The following SRGAP3 variants were observed in gnomAD, a reference collection of about 807,000 sequenced individuals.
SRGAP3 encodes SLIT-ROBO Rho GTPase-activating protein 3.
In SRGAP3, 39 loss-of-function variants were observed where a neutral mutation model predicts 121.1. That is an observed-to-expected ratio of 0.32 (90% CI 0.25 to 0.42). The LOEUF (loss-of-function observed/expected upper bound fraction) is 0.42. Among genes scored for constraint, SRGAP3 ranks in the 10% least tolerant of loss-of-function variants. The pLI, the probability that SRGAP3 is intolerant of heterozygous loss-of-function variation, is 1.00. For synonymous variants in SRGAP3, 601 were observed against 570.0 expected (o/e 1.05, Z -0.77); for missense variants, 1,213 against 1,470.6 (o/e 0.82, Z 2.86).
At chr3:9,050,597 T>C (rs1398003601) in intron 9 of SRGAP3, among the ~76,000 whole-genome samples, 1 of 152,250 alleles carries the variant, frequency 6.6e-6, no homozygotes, top group East Asian at 1.9e-4. Flanking sequence ...GTTAGCAAAC[T>C]AAGTATTAAG....
At chr3:9,028,522 C>A (rs1316084029) in intron 12 of SRGAP3, among the ~76,000 whole-genome samples, 1 of 152,184 alleles carries the variant, frequency 6.6e-6, no homozygotes, top group East Asian at 1.9e-4. Flanking sequence ...AAGCTACCTA[C>A]GACCCCATAA....
rs754389843 is a variant in SRGAP3 at position 8,990,710 on chromosome 3, G to A, written c.2688C>T (p.Pro896=). ...TCCCCCGGGTGAGGGGGATTTTGTG[G>A]GGGCTGCTGGGGCAGGCAGCAGCCC... ...PPRAAACPSS[P]HKIPLTRGRI... Residue 896 remains proline, a synonymous_variant, in exon 21 of 22, where the codon CCC becomes CCT. Coordinates refer to ENST00000383836, the MANE Select transcript of SRGAP3 (RefSeq NM_014850.4). The A allele has an allele frequency of 6.8e-6, 11 of 1,612,632 alleles. No individual in the cohort carries two copies. Among genetic ancestry groups the A allele is most frequent in the Non-Finnish European group, 9.3e-6 (11 of 1,179,690 alleles).
chr3:9,204,651 CTT>C (rs34957395), intron 1 of SRGAP3, among the ~76,000 whole-genome samples: 75 of 150,016 alleles, frequency 5.0e-4, no homozygotes, highest in East Asian at 7.8e-4. Context: ...TCCCTAAGGT[CTT>C]TTTTTTTTTT....
At chr3:9,153,395 G>C (rs1950279493) in intron 1 of SRGAP3, among the ~76,000 whole-genome samples, 1 of 152,098 alleles carries the variant, frequency 6.6e-6, no homozygotes, top group Non-Finnish European at 1.5e-5. Flanking sequence ...CAGATTTATA[G>C]AGAAAAAAAC....
intron 19 of SRGAP3, among the ~76,000 whole-genome samples, chr3:8,993,420 C>G (rs567281868): frequency 2.0e-5 from 3 of 152,328 alleles, no homozygotes; most frequent in South Asian, 4.1e-4. Flanking sequence ...TGCTGAGTCT[C>G]TGTGTGACTT....
intron 1 of SRGAP3, among the ~76,000 whole-genome samples, chr3:9,164,656 T>A (rs536153564): frequency 6.6e-6 from 1 of 152,294 alleles, no homozygotes; most frequent in African/African-American, 2.4e-5. Flanking sequence ...GAAAAACAGC[T>A]CAGAGGCATC....
At chr3:9,064,662 A>G in intron 4 of SRGAP3, 81 bp from the exon 5 acceptor site, 3 of 1,545,704 alleles carry the variant, frequency 1.9e-6, no homozygotes, top group Non-Finnish European at 2.7e-6. Flanking sequence ...CTCCATACCA[A>G]GTTCTACACT....
intron 17 of SRGAP3, 28 bp downstream of exon 17, chr3:9,013,280 A>G (rs759906415): frequency 6.3e-7 from 1 of 1,597,212 alleles, no homozygotes; most frequent in South Asian, 1.1e-5. Flanking sequence ...TGACGATGAT[A>G]ATAATATTAA....
chr3:9,180,624 G>A (rs1056594995), intron 1 of SRGAP3, among the ~76,000 whole-genome samples: 7 of 152,186 alleles, frequency 4.6e-5, no homozygotes, highest in African/African-American at 7.2e-5. Flanking sequence ...GCAATCACAC[G>A]AGAAACCCAA....
chr3:9,178,545 C>T (rs972225675), intron 1 of SRGAP3, among the ~76,000 whole-genome samples: 1 of 152,224 alleles, frequency 6.6e-6, no homozygotes, highest in African/African-American at 2.4e-5. Flanking sequence ...CAACAGTTTT[C>T]ACTGATAGAT....
chr3:9,258,473 T>C lies in SRGAP3; in HGVS notation n.442+67537A>G, dbSNP rs374858761. On this transcript the variant is annotated intron_variant and non_coding_transcript_variant, in intron 3 of 3. Coordinates refer to the SRGAP3 transcript ENST00000490889. Reference sequence around the variant, plus strand: ...TTCATCTGGGTTCCCCCAGGAGCCCTGAAGGGAACTGACATCAGATTGGCC... The same window carrying C: ...TTCATCTGGGTTCCCCCAGGAGCCCCGAAGGGAACTGACATCAGATTGGCC... Among the ~76,000 whole-genome samples the C allele has an allele frequency of 5.3e-4, 80 of 152,254 alleles. 2 individuals carry two copies. In the South Asian group the frequency reaches 0.016, roughly 30 times the overall value.
intron 8 of SRGAP3, among the ~76,000 whole-genome samples, chr3:9,055,356 T>A (rs888063951): frequency 2.0e-5 from 3 of 152,258 alleles, no homozygotes; most frequent in Non-Finnish European, 4.4e-5. Context: ...AACCTGCCCA[T>A]GACCTCGAGT....
chr3:9,289,037 C>T (rs1574975015), intron 3 of SRGAP3, among the ~76,000 whole-genome samples: 1 of 152,182 alleles, frequency 6.6e-6, no homozygotes, highest in Admixed American at 6.5e-5. Context: ...GCCGGGACTA[C>T]AGGCATGCGC....
rs1418504222 is a variant in SRGAP3, at chr3:9,352,273, T to A, written n.214+10567A>T. On this transcript the variant is annotated intron_variant and non_coding_transcript_variant, in intron 1 of 3. Coordinates refer to the SRGAP3 transcript ENST00000490889. ...TTTCCTCCACAGATGTTATGGACAT[T>A]TTTTTTTTTTTTTTTTTTGAGATGG... Among the ~76,000 whole-genome samples, 32 of 94,394 alleles carry A rather than the reference T, an allele frequency of 3.4e-4. No homozygotes were observed. The African/African-American group carries it at 4.7e-3, about 14-fold the overall frequency. 61.9% of individuals were successfully genotyped at this position (94,394 alleles called of 152,430 possible).
intron 3 of SRGAP3, 115 bp downstream of exon 3, chr3:9,104,565 C>T: frequency 7.2e-7 from 1 of 1,397,786 alleles, no homozygotes; most frequent in Non-Finnish European, 1.0e-6. Flanking sequence ...CTTCAATGCA[C>T]CTGCCCCTCC....
intron 1 of SRGAP3, among the ~76,000 whole-genome samples, chr3:9,145,320 T>G (rs1560261294): frequency 6.6e-6 from 1 of 152,222 alleles, no homozygotes; most frequent in Non-Finnish European, 1.5e-5. Flanking sequence ...GTTCTCGAAC[T>G]CCTGACCTCA....
In SRGAP3 at chr3:9,249,095, C is replaced by G; in HGVS notation, c.-144G>C. On this transcript the variant is annotated 5_prime_UTR_variant, in exon 1 of 22. Transcript: ENST00000383836. The stretch of plus-strand genomic sequence containing the variant: ...TAATCTCTTTCACTTGGCTGCAGAG[C>G]AGGGAGAAAAATCCTTCTCCTTCTG... The G allele has an allele frequency of 1.2e-6, 1 of 818,286 alleles. No homozygotes were observed. The allele number at this position is 818,286 out of a possible 1,614,324, so 50.7% of individuals were successfully genotyped here.
intron 1 of SRGAP3, among the ~76,000 whole-genome samples, chr3:9,186,161 A>C (rs1042757356): frequency 5.9e-5 from 9 of 152,162 alleles, no homozygotes; most frequent in African/African-American, 1.9e-4. Flanking sequence ...ACATTGTCTC[A>C]AACCTTGTCG....
chr3:9,163,404 G>A (rs1016699553), intron 1 of SRGAP3, among the ~76,000 whole-genome samples: 6 of 152,188 alleles, frequency 3.9e-5, no homozygotes, highest in African/African-American at 9.7e-5. Flanking sequence ...ACAAGCAGAC[G>A]GTGCGGCTCC....
Sources: allele counts gnomAD v4.1 joint callset (sites outside exome capture counted in the v4.1 genomes callset), GRCh38; gene constraint gnomAD v4.1.1; transcripts MANE v1.5; gene names NCBI Gene and HGNC (gene_info 2026-07-23, HGNC 2026-07-21).